Variants in CCDC73 observed in about 807,000 individuals in gnomAD.
CCDC73 encodes the protein coiled-coil domain-containing protein 73.
A neutral mutation model predicts 116.5 loss-of-function variants in CCDC73; 95 were observed. That is an observed-to-expected ratio of 0.82 (90% CI 0.69 to 0.97). The LOEUF (loss-of-function observed/expected upper bound fraction) is 0.97, where lower values mean the gene tolerates loss of function less well. Ranked by LOEUF, CCDC73 falls within the 50% of genes least tolerant of loss-of-function variation. The probability of loss-of-function intolerance (pLI) is 0.00; values close to 1 mark genes in which losing one functional copy is unlikely to be tolerated. For synonymous variants in CCDC73, 398 were observed against 401.3 expected, an observed-to-expected ratio of 0.99 and a Z score of 0.10; for missense variants, 1,066 against 1,206.8, an observed-to-expected ratio of 0.88 and a Z score of 1.73.
At chr11:32,682,166 A>G (rs1406563908) in intron 7 of CCDC73, 2 of 151,860 alleles carry the variant, frequency 1.3e-5, no homozygotes, top group Non-Finnish European at 3.0e-5. Flanking sequence ...AAAGTGGAAT[A>G]AAATAAAACA....
the CCDC73 span, among the ~76,000 whole-genome samples, chr11:32,802,115 A>G: frequency 6.6e-6 from 1 of 152,228 alleles, no homozygotes; most frequent in Non-Finnish European, 1.5e-5. Flanking sequence ...CAGTCACAGT[A>G]ACAGCCTATA....
intron 9 of CCDC73, among the ~76,000 whole-genome samples, chr11:32,669,899 A>G (rs2133281520): frequency 6.6e-6 from 1 of 152,292 alleles, no homozygotes; most frequent in Non-Finnish European, 1.5e-5. Context: ...AATCTTGGCT[A>G]TTGTGAACAG....
chr11:32,666,587 CT>C (rs1206776272), intron 9 of CCDC73, among the ~76,000 whole-genome samples: 1 of 152,178 alleles, frequency 6.6e-6, no homozygotes, highest in Non-Finnish European at 1.5e-5. Context: ...TTTTTAGCTT[CT>C]TTGCGATGGG....
chr11:32,707,730 G>A (rs1209539546), intron 3 of CCDC73, among the ~76,000 whole-genome samples: 4 of 152,024 alleles, frequency 2.6e-5, no homozygotes, highest in Admixed American at 2.6e-4. Context: ...TAATCTCAAG[G>A]GGGTAAATGT....
intron 2 of CCDC73, among the ~76,000 whole-genome samples, chr11:32,740,114 T>C (rs1039566827): frequency 4.6e-5 from 7 of 151,528 alleles, no homozygotes; most frequent in Non-Finnish European, 1.0e-4. Context: ...TCAATGTTCA[T>C]CAGAGATATT....
chr11:32,728,397 G>A (rs944445516), intron 2 of CCDC73, among the ~76,000 whole-genome samples: 3 of 151,602 alleles, frequency 2.0e-5, no homozygotes, highest in South Asian at 2.1e-4. Flanking sequence ...GAGCTCTTTC[G>A]GGCTGTCTTA....
chr11:32,724,714 G>T (rs1850016616), intron 2 of CCDC73, among the ~76,000 whole-genome samples: 1 of 152,052 alleles, frequency 6.6e-6, no homozygotes, highest in Middle Eastern at 3.2e-3. Context: ...GGCAGATGTA[G>T]GTTGAACTGA....
intron 3 of CCDC73, among the ~76,000 whole-genome samples, chr11:32,711,299 C>A (rs542349538): frequency 4.1e-4 from 62 of 152,144 alleles, no homozygotes; most frequent in African/African-American, 1.5e-3. Context: ...GGTTTCAACC[C>A]AGAGGAAAAG....
intron 3 of CCDC73, among the ~76,000 whole-genome samples, chr11:32,710,699 C>G (rs1056345592): frequency 5.9e-5 from 9 of 152,154 alleles, no homozygotes; most frequent in Non-Finnish European, 1.3e-4. Flanking sequence ...TACGATAAGT[C>G]CATTTGTTCT....
At chr11:32,736,997 T>C (rs1216576716) in intron 2 of CCDC73, among the ~76,000 whole-genome samples, 1 of 150,098 alleles carries the variant, frequency 6.7e-6, no homozygotes, top group Non-Finnish European at 1.5e-5. Flanking sequence ...TATATGTATA[T>C]ATATATATTC....
intron 1 of CCDC73, among the ~76,000 whole-genome samples, chr11:32,794,029 C>A (rs1850700431): frequency 6.6e-6 from 1 of 152,060 alleles, no homozygotes; most frequent in South Asian, 2.1e-4. Flanking sequence ...AAATCACCAG[C>A]AGAATGAAGA....
intron 12 of CCDC73, among the ~76,000 whole-genome samples, chr11:32,643,610 T>C (rs1214128678): frequency 2.0e-5 from 3 of 152,046 alleles, no homozygotes; most frequent in Non-Finnish European, 2.9e-5. Context: ...TAAGGATATC[T>C]AAACATAGAA....
chr11:32,666,643 C>A (rs372251000), intron 9 of CCDC73, among the ~76,000 whole-genome samples: 1 of 152,174 alleles, frequency 6.6e-6, no homozygotes, highest in East Asian at 1.9e-4. Context: ...TTGTCTGAAG[C>A]CTTCTGCTCT....
chr11:32,795,023 A>G (rs1850712296), upstream of CCDC73, among the ~76,000 whole-genome samples: 1 of 151,994 alleles, frequency 6.6e-6, no homozygotes, highest in Admixed American at 6.6e-5. Context: ...AAGTCTTTGG[A>G]AAGATGAAAG....
intron 14 of CCDC73, among the ~76,000 whole-genome samples, chr11:32,626,592 G>A (rs1473261234): frequency 6.6e-6 from 1 of 152,196 alleles, no homozygotes; most frequent in Non-Finnish European, 1.5e-5. Context: ...CATGGCTACA[G>A]TAACCAAAAC....
intron 2 of CCDC73, among the ~76,000 whole-genome samples, chr11:32,722,443 A>G (rs1015084352): frequency 2.6e-5 from 4 of 152,186 alleles, no homozygotes; most frequent in Non-Finnish European, 4.4e-5. Flanking sequence ...GTGAGGACTT[A>G]TCTGACTCAC....
At chr11:32,788,080 C>T (rs764641785) in intron 1 of CCDC73, among the ~76,000 whole-genome samples, 19 of 152,146 alleles carry the variant, frequency 1.2e-4, no homozygotes, top group Non-Finnish European at 2.4e-4. Context: ...TGACCAATGG[C>T]GAAGTCTTCC....
chr11:32,717,203 A>G (rs546315229), intron 3 of CCDC73, among the ~76,000 whole-genome samples: 1 of 152,362 alleles, frequency 6.6e-6, no homozygotes, highest in Non-Finnish European at 1.5e-5. Flanking sequence ...TTACCAAACA[A>G]TGAGAACAGA....
At chr11:32,779,049 T>C (rs1850560408) in intron 1 of CCDC73, among the ~76,000 whole-genome samples, 2 of 152,128 alleles carry the variant, frequency 1.3e-5, no homozygotes, top group East Asian at 1.9e-4. Flanking sequence ...AGGACAATGT[T>C]CCATGAATAC....
Sources: allele counts gnomAD v4.1 joint callset (sites outside exome capture counted in the v4.1 genomes callset), GRCh38; gene constraint gnomAD v4.1.1; transcripts MANE v1.5; gene names NCBI Gene and HGNC (gene_info 2026-07-23, HGNC 2026-07-21).